MACROD2: variants seen among roughly 807,000 people sequenced by gnomAD.
MACROD2 encodes ADP-ribose glycohydrolase MACROD2.
Under a neutral mutation model 70.4 loss-of-function variants are expected in MACROD2, and 36 were observed. The ratio of observed to expected loss-of-function variants is 0.51; its 90% CI spans 0.39 to 0.68. The LOEUF is 0.68. Ranked by LOEUF, MACROD2 falls within the 30% of genes least tolerant of loss-of-function variation. The pLI is 0.00. For synonymous variants in MACROD2, 172 were observed against 178.8 expected, an observed-to-expected ratio of 0.96 and a Z score of 0.30; for missense variants, 496 against 538.4, an observed-to-expected ratio of 0.92 and a Z score of 0.78.
At chr20:15,614,394 A>AT (rs1168942860) in intron 8 of MACROD2, among the ~76,000 whole-genome samples, 2 of 151,988 alleles carry the variant, frequency 1.3e-5, no homozygotes, top group Admixed American at 6.5e-5. Context: ...TAAAACACAT[A>AT]TTTTTTTCCA....
intron 5 of MACROD2, among the ~76,000 whole-genome samples, chr20:14,715,903 C>T (rs1238697766): frequency 3.3e-5 from 5 of 152,130 alleles, no homozygotes; most frequent in African/African-American, 1.2e-4. Flanking sequence ...GATAATTAAC[C>T]AATCAGGATG....
chr20:15,577,972 C>A (rs570649216), intron 8 of MACROD2, among the ~76,000 whole-genome samples: 2 of 152,266 alleles, frequency 1.3e-5, no homozygotes, highest in South Asian at 2.1e-4. Flanking sequence ...GTGAGTGAAG[C>A]AATGAGCAAC....
At chr20:15,103,133 G>C (rs1417830780) in intron 5 of MACROD2, among the ~76,000 whole-genome samples, 1 of 152,074 alleles carries the variant, frequency 6.6e-6, no homozygotes, top group East Asian at 1.9e-4. Flanking sequence ...TTTATGTTCT[G>C]TTTCAGGAAA....
chr20:15,176,082 C>T (rs1387092518), intron 5 of MACROD2, among the ~76,000 whole-genome samples: 2 of 152,210 alleles, frequency 1.3e-5, no homozygotes, highest in African/African-American at 4.8e-5. Context: ...GCAATGTGGC[C>T]AGGTATGTGT....
At chr20:14,339,670 G>A (rs1473775974) in intron 3 of MACROD2, among the ~76,000 whole-genome samples, 1 of 152,186 alleles carries the variant, frequency 6.6e-6, no homozygotes, top group Non-Finnish European at 1.5e-5. Flanking sequence ...GGCTGCCATT[G>A]TTATATGACT....
intron 3 of MACROD2, among the ~76,000 whole-genome samples, chr20:14,284,855 A>C (rs1372275719): frequency 4.6e-5 from 7 of 152,200 alleles, no homozygotes; most frequent in Non-Finnish European, 8.8e-5. Flanking sequence ...GGAAAGTTTT[A>C]AGTTTTCTTG....
At chr20:14,305,662 A>G (rs1181458920) in intron 3 of MACROD2, among the ~76,000 whole-genome samples, 1 of 152,132 alleles carries the variant, frequency 6.6e-6, no homozygotes, top group Non-Finnish European at 1.5e-5. Context: ...CAACCTCCCA[A>G]ATAAATTTTC....
chr20:15,372,472 A>G (rs2045506939), intron 6 of MACROD2, among the ~76,000 whole-genome samples: 1 of 152,144 alleles, frequency 6.6e-6, no homozygotes, highest in Admixed American at 6.5e-5. Context: ...TTCTAGTAAG[A>G]TATCTTCTCA....
intron 5 of MACROD2, among the ~76,000 whole-genome samples, chr20:14,800,463 A>T (rs2072561149): frequency 6.6e-6 from 1 of 152,100 alleles, no homozygotes; most frequent in Non-Finnish European, 1.5e-5. Context: ...ATTGCCTACC[A>T]AAGGTTATTT....
chr20:14,171,789 A>T (rs2081222836), intron 3 of MACROD2, among the ~76,000 whole-genome samples: 2 of 152,142 alleles, frequency 1.3e-5, no homozygotes, highest in Admixed American at 1.3e-4. Flanking sequence ...CCATGTGCTG[A>T]TGAATAGAAT....
At chr20:15,812,091 C>A (rs2063827104) in intron 8 of MACROD2, among the ~76,000 whole-genome samples, 1 of 152,194 alleles carries the variant, frequency 6.6e-6, no homozygotes, top group Non-Finnish European at 1.5e-5. Flanking sequence ...ATGAAGCATG[C>A]TTTGCATGTC....
At chr20:14,309,229 C>T (rs1415151239) in intron 3 of MACROD2, among the ~76,000 whole-genome samples, 4 of 152,134 alleles carry the variant, frequency 2.6e-5, no homozygotes, top group Non-Finnish European at 5.9e-5. Context: ...GATTCAACCT[C>T]TTCAAGGAAA....
intron 4 of MACROD2, among the ~76,000 whole-genome samples, chr20:14,538,008 G>T (rs1186688244): frequency 6.6e-6 from 1 of 152,164 alleles, no homozygotes; most frequent in Non-Finnish European, 1.5e-5. Flanking sequence ...AATTGTAGTG[G>T]TAGTGCTATT....
chr20:14,808,049 A>C (rs2072661114), intron 5 of MACROD2, among the ~76,000 whole-genome samples: 1 of 152,110 alleles, frequency 6.6e-6, no homozygotes, highest in Non-Finnish European at 1.5e-5. Context: ...AACTTCCCCA[A>C]CCGAGCAAGA....
At chr20:15,261,031 T>C (rs1230798521) in intron 6 of MACROD2, among the ~76,000 whole-genome samples, 1 of 152,012 alleles carries the variant, frequency 6.6e-6, no homozygotes, top group Non-Finnish European at 1.5e-5. Context: ...GAACAAACTA[T>C]TGGCCTTGCT....
intron 3 of MACROD2, among the ~76,000 whole-genome samples, chr20:14,388,606 A>T (rs2083492787): frequency 6.6e-6 from 1 of 152,192 alleles, no homozygotes; most frequent in Non-Finnish European, 1.5e-5. Context: ...GCTGTACTTT[A>T]TTTGTCCGTA....
At chr20:16,025,214 G>A (rs1170580407) in intron 15 of MACROD2, among the ~76,000 whole-genome samples, 3 of 152,202 alleles carry the variant, frequency 2.0e-5, no homozygotes, top group Admixed American at 6.5e-5. Flanking sequence ...TAAAGCAGCT[G>A]TGGGCCCATT....
chr20:15,376,576 C>A (rs2045565299), intron 6 of MACROD2, among the ~76,000 whole-genome samples: 1 of 152,162 alleles, frequency 6.6e-6, no homozygotes, highest in East Asian at 1.9e-4. Context: ...ATATTATTAC[C>A]TTACTCCTAC....
At chr20:15,831,452 G>A (rs1264380370) in intron 8 of MACROD2, among the ~76,000 whole-genome samples, 1 of 152,204 alleles carries the variant, frequency 6.6e-6, no homozygotes, top group Non-Finnish European at 1.5e-5. Context: ...GCTTGCATGT[G>A]TCTCCCTGGC....
Sources: allele counts gnomAD v4.1 joint callset (sites outside exome capture counted in the v4.1 genomes callset), GRCh38; gene constraint gnomAD v4.1.1; transcripts MANE v1.5; gene names NCBI Gene and HGNC (gene_info 2026-07-23, HGNC 2026-07-21).